The following FBN1 variants were observed in gnomAD, a reference collection of about 807,000 sequenced individuals.
The protein encoded by FBN1 is fibrillin-1.
FBN1 carries 29 observed loss-of-function variants against 365.1 expected under a neutral mutation model. The observed-to-expected ratio is 0.08, with a 90% CI of 0.06 to 0.11. The LOEUF (loss-of-function observed/expected upper bound fraction) is 0.11. Among genes scored for constraint, FBN1 ranks in the 10% least tolerant of loss-of-function variants. FBN1 has a pLI of 1.00. For synonymous variants in FBN1, 1,210 were observed against 1,270.5 expected (o/e 0.95, Z 1.01); for missense variants, 2,476 against 3,703.2 (o/e 0.67, Z 8.60).
At chr15:48,435,738 G>GTGTATATATA in intron 53 of FBN1, among the ~76,000 whole-genome samples, 1 of 103,158 alleles carries the variant, frequency 9.7e-6, no homozygotes, top group Non-Finnish European at 1.6e-5. Context: ...GTATATATAT[G>GTGTATATATA]TGTGTATATA....
intron 2 of FBN1, among the ~76,000 whole-genome samples, chr15:48,626,969 A>C (rs1481043705): frequency 6.6e-6 from 1 of 152,230 alleles, no homozygotes; most frequent in Non-Finnish European, 1.5e-5. Flanking sequence ...TCAGATGAGG[A>C]AACTGAAAAT....
At chr15:48,600,464 GAGGCCAAGGT>G (rs2044553845) in intron 4 of FBN1, among the ~76,000 whole-genome samples, 2 of 152,222 alleles carry the variant, frequency 1.3e-5, no homozygotes, top group Non-Finnish European at 2.9e-5. Flanking sequence ...AACACTTTGG[GAGGCCAAGGT>G]AGGCGGATCA....
At chr15:48,467,816 T>C (rs994661939) in intron 38 of FBN1, 122 bp downstream of exon 38, 2 of 941,066 alleles carry the variant, frequency 2.1e-6, no homozygotes, top group South Asian at 2.7e-5. Context: ...AGGTCCCCTC[T>C]ACAGGGCTGA....
intron 4 of FBN1, among the ~76,000 whole-genome samples, chr15:48,602,770 GA>G (rs1450409696): frequency 2.0e-5 from 3 of 151,554 alleles, no homozygotes; most frequent in South Asian, 2.1e-4. Flanking sequence ...CGTATACAAA[GA>G]AAAAAAATGA....
intron 18 of FBN1, 61 bp from the exon 19 acceptor site, chr15:48,497,452 T>A: frequency 6.7e-7 from 1 of 1,489,656 alleles, no homozygotes; most frequent in Non-Finnish European, 9.3e-7. Flanking sequence ...AATGAATTGT[T>A]AAAAATATAA....
chr15:48,634,666 T>A (rs779840312), intron 2 of FBN1, among the ~76,000 whole-genome samples: 1 of 152,130 alleles, frequency 6.6e-6, no homozygotes, highest in Non-Finnish European at 1.5e-5. Context: ...TTTACTTTTC[T>A]TAAGGTTTTA....
At chr15:48,530,547 C>T (rs1019594355) in intron 8 of FBN1, among the ~76,000 whole-genome samples, 5 of 151,264 alleles carry the variant, frequency 3.3e-5, no homozygotes, top group Non-Finnish European at 7.4e-5. Context: ...GCTCTTTGAC[C>T]TTCACCGCAG....
At chr15:48,625,339 C>T (rs1291865243) in intron 2 of FBN1, among the ~76,000 whole-genome samples, 3 of 152,128 alleles carry the variant, frequency 2.0e-5, no homozygotes, top group Non-Finnish European at 4.4e-5. Context: ...TGGGAAAACA[C>T]ATTCCACGGC....
chr15:48,592,740 T>C (rs2044488121), intron 6 of FBN1, among the ~76,000 whole-genome samples: 1 of 151,828 alleles, frequency 6.6e-6, no homozygotes, highest in African/African-American at 2.4e-5. Flanking sequence ...CAGCAGGAGG[T>C]GGCAAACTTG....
rs368639430 is a variant in FBN1, at chr15:48,505,170, T to C, written c.1838-23A>G. The stretch of plus-strand genomic sequence containing the variant: ...TGTCTGTGGCAGAGAAAGGCACTTA[T>C]TAAAAATGAAGTGACATTTATCTAA... On this transcript the variant is annotated intron_variant, in intron 15 of 65. Coordinates refer to ENST00000316623, the MANE Select transcript of FBN1 (RefSeq NM_000138.5). The C allele has an allele frequency of 2.2e-5, 35 of 1,613,986 alleles. No homozygotes were observed. In the East Asian group the frequency reaches 3.6e-4, roughly 16 times the overall value.
intron 35 of FBN1, among the ~76,000 whole-genome samples, chr15:48,471,520 C>T (rs2043376807): frequency 1.3e-5 from 2 of 152,158 alleles, no homozygotes; most frequent in South Asian, 4.1e-4. Flanking sequence ...AGGTATTAGG[C>T]ACATGATCAA....
chr15:48,501,496 A>C (rs1361645437), intron 17 of FBN1, among the ~76,000 whole-genome samples: 1 of 152,198 alleles, frequency 6.6e-6, no homozygotes, highest in African/African-American at 2.4e-5. Flanking sequence ...TTCTTTATAA[A>C]TTACTCAATC....
intron 48 of FBN1, 44 bp downstream of exon 48, chr15:48,445,332 C>A: frequency 6.2e-7 from 1 of 1,605,948 alleles, no homozygotes; most frequent in Non-Finnish European, 8.5e-7. Flanking sequence ...CTTGAGTGGT[C>A]TCTGGAAGCA....
At chr15:48,488,314 T>C (rs969059745) in intron 26 of FBN1, 54 bp downstream of exon 26, 1 of 1,509,272 alleles carries the variant, frequency 6.6e-7, no homozygotes. Context: ...ATGTTAAAGA[T>C]AAAGAGTTTT....
At chr15:48,478,764 A>C (rs12591556) in intron 32 of FBN1, among the ~76,000 whole-genome samples, 5,317 of 152,304 alleles carry the variant, frequency 0.035, 406 homozygotes, top group East Asian at 0.32. Context: ...TACGGAGTAA[A>C]AAGAAACCCT....
intron 65 of FBN1, among the ~76,000 whole-genome samples, chr15:48,411,907 G>A (rs1206800644): frequency 3.9e-5 from 6 of 152,176 alleles, no homozygotes; most frequent in Admixed American, 6.5e-5. Flanking sequence ...ATTCATTGAC[G>A]TAAAACCATC....
At chr15:48,561,110 GGTCT>G (rs2044219486) in intron 6 of FBN1, among the ~76,000 whole-genome samples, 1 of 152,142 alleles carries the variant, frequency 6.6e-6, no homozygotes, top group Non-Finnish European at 1.5e-5. Context: ...AGTGATGAGT[GGTCT>G]GTCAGGGAGG....
chr15:48,441,398 T>C (rs2043113946), intron 50 of FBN1, among the ~76,000 whole-genome samples: 1 of 152,192 alleles, frequency 6.6e-6, no homozygotes, highest in East Asian at 1.9e-4. Flanking sequence ...AGGGGATATG[T>C]AGCTCAACTT....
chr15:48,471,655 G>A (rs755508439), intron 35 of FBN1, among the ~76,000 whole-genome samples: 8 of 152,168 alleles, frequency 5.3e-5, no homozygotes, highest in Non-Finnish European at 8.8e-5. Context: ...AAATACATGA[G>A]GGAATTAGTA....
Sources: gnomAD v4.1 joint callset for allele counts (sites outside exome capture counted in the v4.1 genomes callset) on GRCh38, gnomAD v4.1.1 for gene constraint, MANE v1.5 for transcripts, NCBI Gene and HGNC (gene_info 2026-07-23, HGNC 2026-07-21) for gene names.